CASS4: variants seen among roughly 807,000 people sequenced by gnomAD.
The protein encoded by CASS4 is Cas scaffold protein family member 4.
Under a neutral mutation model 54.2 loss-of-function variants are expected in CASS4, and 22 were observed. That is an observed-to-expected ratio of 0.41 (90% CI 0.29 to 0.58). The LOEUF is 0.58. Among genes scored for constraint, CASS4 ranks in the 20% least tolerant of loss-of-function variants. The pLI, the probability that CASS4 is intolerant of heterozygous loss-of-function variation, is 0.36. For synonymous variants in CASS4, 409 were observed against 391.5 expected (o/e 1.04, Z -0.53); for missense variants, 854 against 986.7 (o/e 0.87, Z 1.80).
intron 2 of CASS4, among the ~76,000 whole-genome samples, chr20:56,439,444 G>C (rs889411727): frequency 6.6e-6 from 1 of 151,940 alleles, no homozygotes; most frequent in Non-Finnish European, 1.5e-5. Flanking sequence ...GCCAAGGCAG[G>C]AGGATTGCTT....
intron 1 of CASS4, among the ~76,000 whole-genome samples, chr20:56,413,787 G>A (rs912615946): frequency 2.8e-5 from 4 of 143,400 alleles, no homozygotes; most frequent in African/African-American, 1.0e-4. Flanking sequence ...CTAGAATTTT[G>A]TCCCCAACTA....
intron 1 of CASS4, among the ~76,000 whole-genome samples, chr20:56,418,768 G>A (rs1167623961): frequency 6.6e-6 from 1 of 152,188 alleles, no homozygotes; most frequent in East Asian, 1.9e-4. Context: ...ATTTATGTGT[G>A]TTACGTTTGA....
At chr20:56,433,889 G>C (rs1282887307) in intron 1 of CASS4, among the ~76,000 whole-genome samples, 1 of 152,194 alleles carries the variant, frequency 6.6e-6, no homozygotes, top group Non-Finnish European at 1.5e-5. Context: ...GGAAAAATGA[G>C]TTAAAAGTGG....
Position 56,458,750 on chromosome 20 carries a change from A to G in CASS4, c.*3A>G. The G allele has an allele frequency of 6.3e-7, 1 of 1,593,264 alleles. No homozygotes were observed. The highest frequency in any genetic ancestry group is 8.6e-7 in the Non-Finnish European group (1 of 1,167,574). ...AGTTCAGAGGGACACTGGGATGAGG[A>G]CTGTCTACCTCCCTTCCTCCTCTGC... On this transcript the variant is annotated 3_prime_UTR_variant, in exon 6 of 6. Transcript: ENST00000679887.
At chr20:56,436,792 T>G (rs1248741897) in intron 1 of CASS4, among the ~76,000 whole-genome samples, 1 of 151,586 alleles carries the variant, frequency 6.6e-6, no homozygotes, top group Non-Finnish European at 1.5e-5. Context: ...GAGGCTGGGG[T>G]GGGAGGACTG....
chr20:56,452,106 T>G lies in CASS4; in HGVS notation c.930T>G (p.Pro310=). The change falls in exon 5 of 6, where the codon CCT becomes CCG. Residue 310 remains proline (P), a synonymous_variant. Coordinates refer to ENST00000679887, the MANE Select transcript of CASS4 (RefSeq NM_020356.4). ...AAAAACTCAGCCTTCCAGAAATTCC[T>G]TCTTATGGCTTTCTTGTACCCAGAG... The part of the protein sequence containing the change: ...MQKKLSLPEI[P]SYGFLVPRGT... 1 of 1,614,212 alleles carries G rather than the reference T, an allele frequency of 6.2e-7. No homozygotes were observed. The highest frequency in any genetic ancestry group is 8.5e-7 in the Non-Finnish European group (1 of 1,180,042).
chr20:56,452,961 A>G lies in CASS4; in HGVS notation c.1785A>G (p.Glu595=). The part of the protein sequence containing the change: ...RLLFKRNCEK[E]ETVQLTPNAE... ...TTTTTAAGCGGAACTGTGAAAAGGA[A>G]GAGACTGTGCAGTTGACCCCAAATG... is the stretch of plus-strand genomic sequence containing the variant. The change falls in exon 5 of 6, where the codon GAA becomes GAG. Residue 595 remains glutamate, a synonymous_variant. Transcript: ENST00000679887. 1 of 1,614,072 alleles carries G rather than the reference A, an allele frequency of 6.2e-7. No individual in the cohort carries two copies.
chr20:56,414,148 A>G lies in CASS4; in HGVS notation c.36+1654A>G, dbSNP rs1600739748. ...GCCTTTCTACTATTCAGTCTAATTC[A>G]CGTTGATTTAATAATGCCATTCTAC... On this transcript the variant is annotated intron_variant, in intron 1 of 5. Coordinates refer to ENST00000679887, the MANE Select transcript of CASS4 (RefSeq NM_020356.4). This position sits in a 1 kb window ranked among gnomAD's most constrained non-coding sequence, Gnocchi z 4.1. Among the ~76,000 whole-genome samples the G allele has an allele frequency of 6.6e-6, 1 of 152,302 alleles. No homozygotes were observed. Among genetic ancestry groups the G allele is most frequent in the East Asian group, 1.9e-4 (1 of 5,188 alleles).
At chr20:56,426,490 A>G (rs1019802038) in intron 1 of CASS4, among the ~76,000 whole-genome samples, 2 of 152,104 alleles carry the variant, frequency 1.3e-5, no homozygotes, top group Non-Finnish European at 2.9e-5. Context: ...TGGTTTTGTG[A>G]GGGGCTACAT....
chr20:56,454,847 G>A (rs1981213497), intron 5 of CASS4, among the ~76,000 whole-genome samples: 1 of 152,148 alleles, frequency 6.6e-6, no homozygotes, highest in Non-Finnish European at 1.5e-5. Flanking sequence ...CCACATGGGC[G>A]AGAGTTCGTT....
Position 56,414,851 on chromosome 20 carries a change from G to A in CASS4, c.36+2357G>A, listed in dbSNP as rs1418136782. Among the ~76,000 whole-genome samples, 1 of 151,994 alleles carries A rather than the reference G, an allele frequency of 6.6e-6. No individual in the cohort carries two copies. Among genetic ancestry groups the A allele is most frequent in the East Asian group, 1.9e-4 (1 of 5,192 alleles). On this transcript the variant is annotated intron_variant, in intron 1 of 5. Transcript: ENST00000679887. The surrounding 1 kb of genome is among the most constrained non-coding windows in gnomAD (Gnocchi z 4.1). ...ATTCCCAGCTACTCGGGAGGCTGAG[G>A]CAGGAGAATTGCTTTATATATATAT...
intron 5 of CASS4, among the ~76,000 whole-genome samples, chr20:56,457,432 G>T (rs1162093094): frequency 6.6e-6 from 1 of 152,180 alleles, no homozygotes. Context: ...TTGAGAGTAT[G>T]TAGGATTTGG....
chr20:56,423,880 A>T (rs996675899), intron 1 of CASS4, among the ~76,000 whole-genome samples: 3 of 152,104 alleles, frequency 2.0e-5, no homozygotes, highest in Non-Finnish European at 2.9e-5. Context: ...AGTTGGAAAA[A>T]GGGAGTTTCA....
At position 56,432,873 on chromosome 20, in the gene CASS4, G is replaced by A. The variant is rs1048220946; in HGVS notation, c.37-4291G>A. ...GACATGGCTGGTGGTCATTCTTACC[G>A]AAGGTCATCCAAAAGTGTGGGCAGG... is the stretch of plus-strand genomic sequence containing the variant. On this transcript the variant is annotated intron_variant, in intron 1 of 5. Coordinates refer to ENST00000679887, the MANE Select transcript of CASS4 (RefSeq NM_020356.4). Among the ~76,000 whole-genome samples the A allele has an allele frequency of 4.8e-5, 7 of 146,534 alleles. No homozygotes were observed. The South Asian group carries it at 6.3e-4, about 13-fold the overall frequency.
In CASS4 at chr20:56,418,182, G is replaced by A. The variant is rs140643810; in HGVS notation, c.36+5688G>A. On this transcript the variant is annotated intron_variant, in intron 1 of 5. Transcript: ENST00000679887. The stretch of plus-strand genomic sequence containing the variant: ...CTGCCAGAAAGAGGAGAAAACAGGG[G>A]GATCTGATGGAGGCGATGGATGGAA... 6.6e-5 allele frequency among the ~76,000 whole-genome samples: 10 copies of A among 152,252 alleles called. No homozygotes were observed. In the East Asian group the frequency reaches 1.9e-3, roughly 29 times the overall value.
In CASS4 at chr20:56,437,211, C is replaced by T. The variant is rs377068009; in HGVS notation, c.84C>T (p.Asp28=). 12 of 1,600,794 alleles carry T rather than the reference C, an allele frequency of 7.5e-6. No homozygotes were observed. Among genetic ancestry groups the T allele is most frequent in the African/African-American group, 5.3e-5 (4 of 74,788 alleles). The change falls in exon 2 of 6, where the codon GAC becomes GAT. Residue 28 remains aspartate (D), a synonymous_variant. Coordinates refer to ENST00000679887, the MANE Select transcript of CASS4 (RefSeq NM_020356.4). The surrounding 1 kb of genome is among the most constrained non-coding windows in gnomAD (Gnocchi z 4.7). The part of the protein sequence containing the change: ...ALYDNCPDCS[D]ELAFSRGDIL... ...ATGACAACTGCCCTGACTGCTCTGA[C>T]GAGCTGGCTTTCAGCAGAGGGGACA...
At chr20:56,449,419 T>C (rs572949104) in intron 3 of CASS4, among the ~76,000 whole-genome samples, 4 of 149,584 alleles carry the variant, frequency 2.7e-5, no homozygotes, top group African/African-American at 9.9e-5. Flanking sequence ...TGAGAACACT[T>C]GGACACAGGG....
At chr20:56,418,014 C>T (rs1979227708) in intron 1 of CASS4, among the ~76,000 whole-genome samples, 1 of 152,184 alleles carries the variant, frequency 6.6e-6, no homozygotes, top group Non-Finnish European at 1.5e-5. Flanking sequence ...CTCGAAAACA[C>T]AGCTCACCAT....
At chr20:56,426,584 C>G (rs1431021352) in intron 1 of CASS4, among the ~76,000 whole-genome samples, 2 of 151,980 alleles carry the variant, frequency 1.3e-5, no homozygotes, top group Admixed American at 6.6e-5. Context: ...CCGCCTCCCC[C>G]TCCCCCGCCA....
Sources: gnomAD v4.1 joint callset for allele counts (sites outside exome capture counted in the v4.1 genomes callset) on GRCh38, gnomAD v4.1.1 for gene constraint, Gnocchi (gnomAD v3.1) non-coding constraint, MANE v1.5 for transcripts, NCBI Gene and HGNC (gene_info 2026-07-23, HGNC 2026-07-21) for gene names.